MAK: variants seen among roughly 807,000 people sequenced by gnomAD.
MAK encodes male germ cell associated kinase.
A neutral mutation model predicts 82.6 loss-of-function variants in MAK; 65 were observed. The observed-to-expected ratio is 0.79, with a 90% CI of 0.64 to 0.97. The LOEUF (loss-of-function observed/expected upper bound fraction) is 0.97. MAK is among the 50% of genes least tolerant of loss of function. The pLI, the probability that MAK is intolerant of heterozygous loss-of-function variation, is 0.00. For missense variants in MAK, 703 were observed against 780.2 expected (o/e 0.90, Z 1.18); for synonymous variants, 250 against 274.2 (o/e 0.91, Z 0.87).
intron 11 of MAK, among the ~76,000 whole-genome samples, chr6:10,783,493 A>G (rs992037780): frequency 1.3e-5 from 2 of 152,106 alleles, no homozygotes; most frequent in Admixed American, 6.5e-5. Context: ...CCCAAGTCAA[A>G]ACCTCAGATG....
At chr6:10,777,156 C>T (rs371759937) in intron 11 of MAK, among the ~76,000 whole-genome samples, 85 of 152,226 alleles carry the variant, frequency 5.6e-4, no homozygotes, top group African/African-American at 1.5e-3. Context: ...CCTGTAATCC[C>T]AGCACTTTGG....
At chr6:10,783,158 C>G (rs1054352736) in intron 11 of MAK, among the ~76,000 whole-genome samples, 3 of 152,170 alleles carry the variant, frequency 2.0e-5, no homozygotes, top group Admixed American at 2.0e-4. Flanking sequence ...AGATCATCTT[C>G]TCCCTCACTG....
chr6:10,805,485 G>A (rs1329841120), intron 6 of MAK, among the ~76,000 whole-genome samples: 1 of 151,808 alleles, frequency 6.6e-6, no homozygotes, highest in Admixed American at 6.6e-5. Flanking sequence ...TACTCGAGAG[G>A]CTGAGGCAGG....
In MAK at chr6:10,784,045, A is replaced by G. The variant is rs151055716; in HGVS notation, c.1465+379T>C. Among the ~76,000 whole-genome samples, 550 of 152,156 alleles carry G rather than the reference A, an allele frequency of 3.6e-3. 2 individuals carry two copies. Among genetic ancestry groups the G allele is most frequent in the African/African-American group, 0.012 (507 of 41,544 alleles). ...AAAAAAACAAAAAAACAAACAAACAAAAAAATGTACACCAGATCATTTAGG... is the reference window on the plus strand; with the variant it reads ...AAAAAAACAAAAAAACAAACAAACAGAAAAATGTACACCAGATCATTTAGG... On this transcript the variant is annotated intron_variant, in intron 11 of 14. Transcript: ENST00000354489.
intron 2 of MAK, among the ~76,000 whole-genome samples, chr6:10,823,563 T>G (rs1026283490): frequency 6.6e-6 from 1 of 152,216 alleles, no homozygotes; most frequent in African/African-American, 2.4e-5. Flanking sequence ...AGAGTCTCAC[T>G]CTGTTGCCTG....
At chr6:10,782,227 CACACACACACACACACACACACAG>C (rs1774059482) in intron 11 of MAK, among the ~76,000 whole-genome samples, 1 of 146,034 alleles carries the variant, frequency 6.8e-6, no homozygotes, top group African/African-American at 2.8e-5. Flanking sequence ...CACACACACA[CACACACACACACACACACACACAG>C]ACACACACCA....
chr6:10,779,199 G>T (rs149126828), intron 11 of MAK: 5 of 236,200 alleles, frequency 2.1e-5, no homozygotes, highest in Non-Finnish European at 3.4e-5. Context: ...TGGTGGCATC[G>T]ATTCATGCCC....
chr6:10,785,252 G>A (rs1235813734), intron 10 of MAK, among the ~76,000 whole-genome samples: 1 of 152,102 alleles, frequency 6.6e-6, no homozygotes, highest in Admixed American at 6.6e-5. Flanking sequence ...TCTCATTCCC[G>A]AGGCCTGTCC....
chr6:10,763,881 A>G lies in MAK; in HGVS notation c.*571T>C, dbSNP rs1168990585. 1 of 152,012 alleles carries G rather than the reference A, an allele frequency of 6.6e-6. No homozygotes were observed. Among genetic ancestry groups the G allele is most frequent in the Non-Finnish European group, 1.5e-5 (1 of 68,112 alleles). 9.4% of individuals were successfully genotyped at this position (152,012 alleles called of 1,614,324 possible). A position where few individuals can be genotyped will look rare whatever the true frequency, so the allele number is the denominator to read the frequency against. Reference sequence around the variant, plus strand: ...AAAAAAAAAAGATATCCTGCTCAAGATTGAAATTACCATCGCTCCCATAGC... The same window carrying G: ...AAAAAAAAAAGATATCCTGCTCAAGGTTGAAATTACCATCGCTCCCATAGC... On this transcript the variant is annotated 3_prime_UTR_variant, in exon 15 of 15. Transcript: ENST00000354489.
At chr6:10,806,857 G>A (rs536496713) in intron 6 of MAK, among the ~76,000 whole-genome samples, 1 of 152,106 alleles carries the variant, frequency 6.6e-6, no homozygotes, top group South Asian at 2.1e-4. Flanking sequence ...GGATGCCAGT[G>A]CCATGCTTCT....
chr6:10,796,805 C>CA (rs70991046), intron 8 of MAK, among the ~76,000 whole-genome samples: 1,430 of 122,478 alleles, frequency 0.012, 9 homozygotes, highest in South Asian at 0.025. Context: ...GACTCCACCT[C>CA]AAAAAAAAAA....
In MAK at chr6:10,785,029, C is replaced by T. The variant is rs1259419029; in HGVS notation, c.1317-457G>A. ...TAGAAAAGCTCCCGTATACAATTTC[C>T]CGTCACCCTAGTGTCAGGCACAGAA... On this transcript the variant is annotated intron_variant, in intron 10 of 14. Transcript: ENST00000354489. 6.6e-6 allele frequency: 3 copies of T among 452,908 alleles called. No individual in the cohort carries two copies. The Admixed American group carries it at 7.1e-5, about 11-fold the overall frequency. 28.1% of individuals were successfully genotyped at this position (452,908 alleles called of 1,614,324 possible). A position where few individuals can be genotyped will look rare whatever the true frequency, so the allele number is the denominator to read the frequency against.
chr6:10,836,720 GAT>G (rs1376250144), intron 1 of MAK, among the ~76,000 whole-genome samples: 1 of 152,092 alleles, frequency 6.6e-6, no homozygotes, highest in Non-Finnish European at 1.5e-5. Context: ...AATATATATA[GAT>G]ATGATACATA....
At chr6:10,781,685 A>C (rs531534968) in intron 11 of MAK, among the ~76,000 whole-genome samples, 2 of 152,084 alleles carry the variant, frequency 1.3e-5, no homozygotes, top group Non-Finnish European at 2.9e-5. Flanking sequence ...CAGCCTCCCA[A>C]AGTGCTGGGA....
In MAK at chr6:10,800,982, C is replaced by T. The variant is rs1163589626; in HGVS notation, c.831+910G>A. ...CCGTCCTCCCCTCTTTGTGATGCCA[C>T]GTTTGTTTACCTTGTGCTGACTCAT... On this transcript the variant is annotated intron_variant, in intron 8 of 14. Transcript: ENST00000354489. The surrounding 1 kb of genome is among the most constrained non-coding windows in gnomAD (Gnocchi z 4.2). 4.0e-5 allele frequency among the ~76,000 whole-genome samples: 6 copies of T among 149,374 alleles called. No homozygotes were observed. The highest frequency in any genetic ancestry group is 7.4e-5 in the Non-Finnish European group (5 of 68,020).
At chr6:10,788,996 A>G (rs114716569) in intron 10 of MAK, among the ~76,000 whole-genome samples, 1 of 152,214 alleles carries the variant, frequency 6.6e-6, no homozygotes, top group African/African-American at 2.4e-5. Context: ...GCTTGATAAA[A>G]TAAGTTTTAA....
intron 13 of MAK, among the ~76,000 whole-genome samples, chr6:10,770,660 C>T (rs950660878): frequency 2.6e-5 from 4 of 152,166 alleles, no homozygotes; most frequent in East Asian, 1.9e-4. Flanking sequence ...GACCTATTCT[C>T]GTAGGGTTGT....
chr6:10,817,849 C>A lies in MAK; in HGVS notation c.278+1G>T, dbSNP rs535917344. ...AGGGAAAAACATGAATAAAAACATACCTGTCTTTCATTAATTGATAGAGGT... is the reference window on the plus strand; with the variant it reads ...AGGGAAAAACATGAATAAAAACATAACTGTCTTTCATTAATTGATAGAGGT... On this transcript the variant is annotated splice_donor_variant, in intron 4 of 14. Coordinates refer to ENST00000354489, the MANE Select transcript of MAK (RefSeq NM_001242957.3). LOFTEE classifies it high-confidence loss of function. 2 of 1,490,898 alleles carry A rather than the reference C, an allele frequency of 1.3e-6. No homozygotes were observed. The highest frequency in any genetic ancestry group is 1.1e-5 in the South Asian group (1 of 88,190). 92.4% of individuals were successfully genotyped at this position (1,490,898 alleles called of 1,614,324 possible).
intron 6 of MAK, among the ~76,000 whole-genome samples, chr6:10,805,594 T>C (rs905654034): frequency 4.0e-5 from 6 of 151,466 alleles, no homozygotes; most frequent in African/African-American, 9.7e-5. Flanking sequence ...AAAAGAAGTT[T>C]GGTGATGTTT....
Sources: allele counts gnomAD v4.1 joint callset (sites outside exome capture counted in the v4.1 genomes callset), GRCh38; gene constraint gnomAD v4.1.1; non-coding constraint Gnocchi (gnomAD v3.1); transcripts MANE v1.5; gene names NCBI Gene and HGNC (gene_info 2026-07-23, HGNC 2026-07-21).